DGCR2: variants seen among roughly 807,000 people sequenced by gnomAD.
The protein encoded by DGCR2 is integral membrane protein DGCR2/IDD.
In DGCR2, 24 loss-of-function variants were observed where a neutral mutation model predicts 51.6. The observed-to-expected ratio is 0.47, with a 90% CI of 0.34 to 0.65. The LOEUF is 0.65. DGCR2 is among the 30% of genes least tolerant of loss of function. The pLI is 0.01. For synonymous variants in DGCR2, 340 were observed against 315.4 expected (o/e 1.08, Z -0.82); for missense variants, 765 against 772.1 (o/e 0.99, Z 0.11).
At chr22:19,096,515 T>C (rs1324119924) in intron 1 of DGCR2, among the ~76,000 whole-genome samples, 5 of 152,168 alleles carry the variant, frequency 3.3e-5, no homozygotes, top group Admixed American at 2.0e-4. Flanking sequence ...CCAATTACCA[T>C]GATTTGATCA....
chr22:19,098,843 C>T (rs1253949801), intron 1 of DGCR2, among the ~76,000 whole-genome samples: 1 of 152,166 alleles, frequency 6.6e-6, no homozygotes, highest in Admixed American at 6.5e-5. Flanking sequence ...ATCTTCTCAC[C>T]TTATGCTCTC....
At chr22:19,109,369 C>T (rs966696747) in intron 1 of DGCR2, among the ~76,000 whole-genome samples, 2 of 152,188 alleles carry the variant, frequency 1.3e-5, no homozygotes, top group African/African-American at 2.4e-5. Context: ...AGAAGTACTA[C>T]TCACAATAAC....
At chr22:19,091,787 A>G (rs1277826089) in intron 1 of DGCR2, among the ~76,000 whole-genome samples, 1 of 151,962 alleles carries the variant, frequency 6.6e-6, no homozygotes, top group Non-Finnish European at 1.5e-5. Flanking sequence ...CTAAAATACA[A>G]AAATTAGTTG....
At chr22:19,067,648 T>C (rs1422611419) in intron 3 of DGCR2, among the ~76,000 whole-genome samples, 1 of 152,118 alleles carries the variant, frequency 6.6e-6, no homozygotes, top group Non-Finnish European at 1.5e-5. Context: ...GCTGAGATTA[T>C]GCCACTGCAC....
intron 2 of DGCR2, among the ~76,000 whole-genome samples, chr22:19,088,070 A>G (rs745639908): frequency 6.6e-6 from 1 of 152,152 alleles, no homozygotes; most frequent in Non-Finnish European, 1.5e-5. Context: ...AACTACCACA[A>G]GTTCAAATGT....
chr22:19,062,515 C>G (rs1259889142), intron 5 of DGCR2, among the ~76,000 whole-genome samples: 1 of 152,142 alleles, frequency 6.6e-6, no homozygotes, highest in Admixed American at 6.5e-5. Flanking sequence ...CAAATCCTAG[C>G]TCAAGCCACA....
chr22:19,060,408 T>G (rs888119133), intron 5 of DGCR2, among the ~76,000 whole-genome samples: 3 of 152,298 alleles, frequency 2.0e-5, no homozygotes, highest in South Asian at 4.1e-4. Flanking sequence ...CCTCCTGACC[T>G]CAGCCAACCT....
At chr22:19,064,826 A>C in intron 4 of DGCR2, 22 bp downstream of exon 4, 1 of 1,606,914 alleles carries the variant, frequency 6.2e-7, no homozygotes, top group Non-Finnish European at 8.5e-7. Context: ...CCAGCCCCTC[A>C]GGTCCCCAAT....
At chr22:19,084,733 C>T (rs1234992324) in intron 2 of DGCR2, among the ~76,000 whole-genome samples, 4 of 149,200 alleles carry the variant, frequency 2.7e-5, no homozygotes, top group Admixed American at 6.6e-5. Flanking sequence ...AGCCCCCGCC[C>T]GGCCAGCCGC....
chr22:19,063,337 T>C, intron 4 of DGCR2, 59 bp from the exon 5 acceptor site: 2 of 1,524,222 alleles, frequency 1.3e-6, no homozygotes, highest in Non-Finnish European at 1.8e-6. Flanking sequence ...CAACCATCAA[T>C]GACTGTGTGT....
intron 2 of DGCR2, among the ~76,000 whole-genome samples, chr22:19,071,722 G>A (rs1399323176): frequency 6.6e-6 from 1 of 152,196 alleles, no homozygotes; most frequent in Non-Finnish European, 1.5e-5. Flanking sequence ...AACCTGTAAA[G>A]GATGTTCTGG....
intron 1 of DGCR2, among the ~76,000 whole-genome samples, chr22:19,113,376 T>A (rs5993537): frequency 2.1e-4 from 25 of 119,646 alleles, no homozygotes; most frequent in Non-Finnish European, 3.1e-4. Context: ...CTCAAAAAAA[T>A]AAAAATAAAA....
intron 2 of DGCR2, among the ~76,000 whole-genome samples, chr22:19,069,250 G>A (rs909756006): frequency 2.0e-5 from 3 of 152,218 alleles, no homozygotes; most frequent in African/African-American, 7.2e-5. Flanking sequence ...GGGAGGGTTA[G>A]GAGGCCTCCT....
At chr22:19,077,264 C>A (rs1362724339) in intron 2 of DGCR2, among the ~76,000 whole-genome samples, 1 of 152,104 alleles carries the variant, frequency 6.6e-6, no homozygotes, top group Non-Finnish European at 1.5e-5. Flanking sequence ...AAATCATTGC[C>A]AAATCCAGTG....
At chr22:19,052,313 G>A (rs967762086) in intron 6 of DGCR2, among the ~76,000 whole-genome samples, 3 of 152,092 alleles carry the variant, frequency 2.0e-5, no homozygotes, top group African/African-American at 7.2e-5. Flanking sequence ...CTACTCGGGA[G>A]GCTGAGACAT....
intron 7 of DGCR2, among the ~76,000 whole-genome samples, chr22:19,042,566 C>T (rs374232151): frequency 5.3e-5 from 8 of 152,174 alleles, no homozygotes; most frequent in African/African-American, 1.7e-4. Flanking sequence ...GTGGGGGTGA[C>T]GCCCCTGCGG....
intron 5 of DGCR2, 36 bp downstream of exon 5, chr22:19,063,166 C>T (rs746569537): frequency 1.2e-6 from 2 of 1,602,174 alleles, no homozygotes; most frequent in Non-Finnish European, 1.7e-6. Flanking sequence ...TGACTCTGCC[C>T]AGCTTCAAAC....
intron 1 of DGCR2, among the ~76,000 whole-genome samples, chr22:19,106,784 T>C (rs1335642484): frequency 1.3e-5 from 2 of 152,020 alleles, no homozygotes; most frequent in Admixed American, 1.3e-4. Context: ...GGCTGTGGGC[T>C]CTTTGACCCA....
intron 6 of DGCR2, among the ~76,000 whole-genome samples, chr22:19,053,225 C>A (rs2082567874): frequency 6.6e-6 from 1 of 152,214 alleles, no homozygotes; most frequent in Non-Finnish European, 1.5e-5. Context: ...AGGCTCCACC[C>A]TGGATCCTCA....
Sources: gnomAD v4.1 joint callset for allele counts (sites outside exome capture counted in the v4.1 genomes callset) on GRCh38, gnomAD v4.1.1 for gene constraint, MANE v1.5 for transcripts, NCBI Gene and HGNC (gene_info 2026-07-23, HGNC 2026-07-21) for gene names.